Variants in DMD observed in about 807,000 individuals in gnomAD.
DMD encodes the protein mutant dystrophin.
A neutral mutation model predicts 330.1 loss-of-function variants in DMD; 63 were observed. The observed-to-expected ratio is 0.19, with a 90% CI of 0.16 to 0.24. The LOEUF (loss-of-function observed/expected upper bound fraction) is 0.24. Among genes scored for constraint, DMD ranks in the 10% least tolerant of loss-of-function variants. DMD has a pLI of 1.00. For missense variants in DMD, 3,344 were observed against 2,684.1 expected (o/e 1.25, Z -5.43); for synonymous variants, 1,223 against 959.8 (o/e 1.27, Z -5.07).
chrX:31,282,548 T>TA (rs763029600), intron 62 of DMD, among the ~76,000 whole-genome samples: 7,161 of 103,091 alleles, frequency 0.069, 200 homozygotes, highest in African/African-American at 0.081. Flanking sequence ...ATATAAATAG[T>TA]AAAAAAAAAA....
chrX:32,070,247 C>T (rs191730634), intron 44 of DMD, among the ~76,000 whole-genome samples: 2 of 111,379 alleles, frequency 1.8e-5, no homozygotes, highest in East Asian at 5.7e-4. Flanking sequence ...CATCAGAGGG[C>T]TACAAAGAGG....
intron 47 of DMD, among the ~76,000 whole-genome samples, chrX:31,889,057 C>A (rs889461273): frequency 8.9e-6 from 1 of 112,037 alleles, no homozygotes; most frequent in Non-Finnish European, 1.9e-5. Context: ...CATTACCACA[C>A]ATGGATTTTG....
chrX:31,768,563 T>C (rs2090146992), intron 51 of DMD, among the ~76,000 whole-genome samples: 1 of 110,116 alleles, frequency 9.1e-6, no homozygotes, highest in African/African-American at 3.3e-5. Flanking sequence ...GGGTCAGATT[T>C]AGTAATCACT....
In DMD at chrX:31,932,141, G is replaced by T; in HGVS notation, c.6701C>A (p.Ala2234Asp). 8.3e-7 allele frequency: 1 copy of T among 1,204,215 alleles called. No homozygotes were observed. Residue 2234 changes from alanine (A) to aspartate (D), a missense_variant, in exon 46 of 79, where the codon GCT becomes GAT. By Grantham distance (126) the Ala-to-Asp change is moderately radical (BLOSUM62 -2). Coordinates refer to ENST00000357033, the MANE Select transcript of DMD (RefSeq NM_004006.3). The stretch of plus-strand genomic sequence containing the variant: ...TTTTCCAGGTTCAAGTGGGATACTA[G>T]CAATGTTATCTGCTTCCTCCAACCA... ...VLWLEEADNI[A>D]SIPLEPGKEQ...
intron 26 of DMD, among the ~76,000 whole-genome samples, chrX:32,451,059 C>T (rs1050210053): frequency 4.5e-5 from 5 of 111,083 alleles, no homozygotes; most frequent in African/African-American, 1.6e-4. Context: ...ATGAATCTAA[C>T]TATGATATGC....
intron 1 of DMD, among the ~76,000 whole-genome samples, chrX:33,140,991 A>T (rs1473926372): frequency 2.7e-5 from 3 of 112,148 alleles, no homozygotes; most frequent in Non-Finnish European, 5.6e-5. Context: ...TTTCCCCTAG[A>T]TAATAATTGT....
At chrX:31,443,779 G>GT (rs1468671498) in intron 60 of DMD, among the ~76,000 whole-genome samples, 2 of 111,753 alleles carry the variant, frequency 1.8e-5, no homozygotes, top group Non-Finnish European at 3.8e-5. Flanking sequence ...AGGGAAAGAT[G>GT]TTTTTGAGAA....
At chrX:31,293,316 T>A (rs920972886) in intron 62 of DMD, among the ~76,000 whole-genome samples, 1 of 108,710 alleles carries the variant, frequency 9.2e-6, no homozygotes, top group African/African-American at 3.4e-5. Flanking sequence ...GTATTCATTT[T>A]GTGATAATTG....
chrX:31,121,870 A>AT lies in DMD; in HGVS notation c.*48_*49insA. ...TTCTTCATCTGTCATGACTGATACT[A>AT]AGGACTCCATCGCTCTGCCCAAATC... is the stretch of plus-strand genomic sequence containing the variant. On this transcript the variant is annotated 3_prime_UTR_variant, in exon 79 of 79. Transcript: ENST00000357033. 8.3e-7 allele frequency: 1 copy of AT among 1,207,852 alleles called. No individual in the cohort carries two copies. The highest frequency in any genetic ancestry group is 1.1e-6 in the Non-Finnish European group (1 of 891,873).
intron 1 of DMD, among the ~76,000 whole-genome samples, chrX:33,138,836 T>C (rs1321134294): frequency 1.8e-5 from 2 of 111,462 alleles, no homozygotes; most frequent in African/African-American, 6.5e-5. Context: ...TTGCTATTTC[T>C]TGTTCTTTGA....
chrX:32,298,595 C>T (rs2097507449), intron 42 of DMD, among the ~76,000 whole-genome samples: 1 of 109,871 alleles, frequency 9.1e-6, no homozygotes, highest in African/African-American at 3.4e-5. Flanking sequence ...AATTTTTAAT[C>T]TCTTCCAAAC....
intron 1 of DMD, among the ~76,000 whole-genome samples, chrX:33,193,695 G>C (rs1318014623): frequency 8.9e-6 from 1 of 112,285 alleles, no homozygotes; most frequent in East Asian, 2.8e-4. Flanking sequence ...CAGGCAGGAT[G>C]AATTGATAGC....
At chrX:33,010,153 C>A (rs759515228) in intron 2 of DMD, among the ~76,000 whole-genome samples, 9 of 98,914 alleles carry the variant, frequency 9.1e-5, no homozygotes, top group Non-Finnish European at 1.6e-4. Flanking sequence ...TGTATATATA[C>A]ATGTGTGTAT....
At chrX:32,458,315 C>T (rs1464602145) in intron 25 of DMD, among the ~76,000 whole-genome samples, 1 of 111,429 alleles carries the variant, frequency 9.0e-6, no homozygotes, top group Admixed American at 9.6e-5. Flanking sequence ...TTCATCTATG[C>T]TGCTGCAAAT....
chrX:32,394,772 T>A, intron 30 of DMD, among the ~76,000 whole-genome samples: 1 of 108,889 alleles, frequency 9.2e-6, no homozygotes, highest in Admixed American at 9.9e-5. Flanking sequence ...AAATTATACA[T>A]CTGTAATCAT....
chrX:32,345,896 T>TA (rs757965998), intron 39 of DMD, 47 bp downstream of exon 39: 252 of 1,152,548 alleles, frequency 2.2e-4, no homozygotes, highest in African/African-American at 3.3e-4. Flanking sequence ...CCCTATATAT[T>TA]AAAAAAAAAC....
chrX:31,738,086 G>A (rs1016203224), intron 51 of DMD, among the ~76,000 whole-genome samples: 3 of 112,050 alleles, frequency 2.7e-5, no homozygotes, highest in Non-Finnish European at 3.8e-5. Flanking sequence ...TAGGAGCAAA[G>A]CTTTCAGTAA....
intron 7 of DMD, among the ~76,000 whole-genome samples, chrX:32,782,307 A>C (rs1198327702): frequency 8.9e-6 from 1 of 111,769 alleles, no homozygotes; most frequent in Non-Finnish European, 1.9e-5. Context: ...AAAACAAAAA[A>C]CTAAGAATAG....
intron 48 of DMD, among the ~76,000 whole-genome samples, chrX:31,863,166 A>AC (rs1179825448): frequency 9.0e-6 from 1 of 110,897 alleles, no homozygotes; most frequent in Non-Finnish European, 1.9e-5. Context: ...ACATGGTGAA[A>AC]CCCCGCCTCT....
Sources: allele counts gnomAD v4.1 joint callset (sites outside exome capture counted in the v4.1 genomes callset), GRCh38; gene constraint gnomAD v4.1.1; transcripts MANE v1.5; gene names NCBI Gene and HGNC (gene_info 2026-07-23, HGNC 2026-07-21).